Variants in WDR59 observed in about 807,000 individuals in gnomAD.
The protein encoded by WDR59 is WD repeat domain 59.
Under a neutral mutation model 131.2 loss-of-function variants are expected in WDR59, and 100 were observed. That is an observed-to-expected ratio of 0.76 (90% CI 0.65 to 0.90). WDR59 has a LOEUF of 0.90. Among genes scored for constraint, WDR59 ranks in the 40% least tolerant of loss-of-function variants. The pLI is 0.00. For synonymous variants in WDR59, 601 were observed against 466.2 expected, an observed-to-expected ratio of 1.29 and a Z score of -3.72; for missense variants, 1,203 against 1,262.2, an observed-to-expected ratio of 0.95 and a Z score of 0.71.
chr16:74,875,253 A>C (rs771381460), intron 25 of WDR59, among the ~76,000 whole-genome samples: 1 of 152,182 alleles, frequency 6.6e-6, no homozygotes, highest in South Asian at 2.1e-4. Flanking sequence ...AACCTGCTCT[A>C]TCTACTCTGC....
chr16:74,885,629 G>A (rs1755925235), intron 25 of WDR59, 24 bp downstream of exon 25: 1 of 1,612,390 alleles, frequency 6.2e-7, no homozygotes, highest in South Asian at 1.1e-5. Flanking sequence ...ACAGTGAAAG[G>A]AAGAGAGAGA....
intron 11 of WDR59, 79 bp downstream of exon 11, chr16:74,917,850 T>G: frequency 1.9e-6 from 2 of 1,037,004 alleles, no homozygotes; most frequent in Non-Finnish European, 2.9e-6. Flanking sequence ...TCCTGTAACC[T>G]CTAATTTCCG....
intron 25 of WDR59, among the ~76,000 whole-genome samples, chr16:74,877,443 G>A (rs1039443454): frequency 1.3e-5 from 2 of 152,116 alleles, no homozygotes; most frequent in Non-Finnish European, 2.9e-5. Context: ...AATTTTTGGT[G>A]TTTTTTGTCA....
chr16:74,974,920 C>G (rs2034126062), intron 1 of WDR59, among the ~76,000 whole-genome samples: 1 of 152,176 alleles, frequency 6.6e-6, no homozygotes, highest in Non-Finnish European at 1.5e-5. Context: ...TGCCATTTGC[C>G]TTTTCCCTTT....
chr16:74,875,438 T>C (rs534241221), intron 25 of WDR59, among the ~76,000 whole-genome samples: 1 of 152,120 alleles, frequency 6.6e-6, no homozygotes, highest in South Asian at 2.1e-4. Flanking sequence ...CACCAGCCTT[T>C]CCCCCTTTTC....
chr16:74,949,330 CAAAAAAA>C (rs550013099), intron 5 of WDR59, among the ~76,000 whole-genome samples: 62 of 42,618 alleles, frequency 1.5e-3, no homozygotes, highest in Non-Finnish European at 2.7e-3. Flanking sequence ...TACCTTGTCT[CAAAAAAA>C]AAAAAAAAAA....
chr16:74,937,562 A>G (rs1820596332), intron 8 of WDR59, among the ~76,000 whole-genome samples: 1 of 151,986 alleles, frequency 6.6e-6, no homozygotes, highest in Non-Finnish European at 1.5e-5. Flanking sequence ...AGTGCAGTGG[A>G]TCAATCTCAG....
At chr16:74,897,921 T>A (rs1484640647) in intron 18 of WDR59, among the ~76,000 whole-genome samples, 2 of 152,196 alleles carry the variant, frequency 1.3e-5, no homozygotes, top group East Asian at 3.8e-4. Flanking sequence ...GGGATTCTAA[T>A]TTAACGAGGC....
Position 74,915,997 on chromosome 16 carries a change from A to G in WDR59, c.1100-3T>C, listed in dbSNP as rs1966351316. 6.2e-7 allele frequency: 1 copy of G among 1,614,108 alleles called. No homozygotes were observed. Among genetic ancestry groups the G allele is most frequent in the African/African-American group, 1.3e-5 (1 of 74,954 alleles). On this transcript the variant is annotated splice_region_variant and splice_polypyrimidine_tract_variant and intron_variant, in intron 12 of 25. Transcript: ENST00000262144. The stretch of plus-strand genomic sequence containing the variant: ...TCTAGGGGGATCTTCTTTTAGGGCT[A>G]GCAGGAGAGAGAAGTTCAATGTTGG...
chr16:74,892,940 G>A (rs1249312234), intron 19 of WDR59, among the ~76,000 whole-genome samples: 1 of 152,216 alleles, frequency 6.6e-6, no homozygotes, highest in African/African-American at 2.4e-5. Context: ...AGAGTAGTGT[G>A]CTGTGTGTAG....
rs1378012060 is a variant in WDR59, at chr16:74,915,689, G to A, written c.1224+181C>T. The stretch of plus-strand genomic sequence containing the variant: ...TCTGTCCACCTCAGACTCCCAAAGT[G>A]CTGGGATTACAGGCGTGAGCCACCG... On this transcript the variant is annotated intron_variant, in intron 13 of 25. Coordinates refer to ENST00000262144, the MANE Select transcript of WDR59 (RefSeq NM_030581.4). 4.0e-6 allele frequency: 3 copies of A among 752,900 alleles called. No homozygotes were observed. In the South Asian group the frequency reaches 5.4e-5, roughly 14 times the overall value. The allele number at this position is 752,900 out of a possible 1,614,324, so 46.6% of individuals were successfully genotyped here.
At chr16:74,952,467 GA>G in intron 3 of WDR59, among the ~76,000 whole-genome samples, 1 of 120,020 alleles carries the variant, frequency 8.3e-6, no homozygotes, top group South Asian at 2.6e-4. Flanking sequence ...AAAAAAAAAA[GA>G]AAAGAAAAGA....
intron 18 of WDR59, among the ~76,000 whole-genome samples, chr16:74,897,453 C>A (rs1455519585): frequency 6.6e-6 from 1 of 152,212 alleles, no homozygotes; most frequent in Non-Finnish European, 1.5e-5. Flanking sequence ...CGTGACCCAT[C>A]CATACTTGAT....
intron 22 of WDR59, 56 bp downstream of exon 22, chr16:74,888,113 G>A (rs1456851306): frequency 1.0e-4 from 136 of 1,360,364 alleles, no homozygotes; most frequent in Admixed American, 2.2e-4. Context: ...GTAAAACTCC[G>A]TCTCAAAAAA....
At chr16:74,882,483 A>G (rs1255000594) in intron 25 of WDR59, among the ~76,000 whole-genome samples, 3 of 152,314 alleles carry the variant, frequency 2.0e-5, no homozygotes, top group African/African-American at 7.2e-5. Flanking sequence ...CTGTAATCCC[A>G]GCACTCTGGG....
At chr16:74,973,172 T>C (rs927325101) in intron 1 of WDR59, among the ~76,000 whole-genome samples, 5 of 151,832 alleles carry the variant, frequency 3.3e-5, no homozygotes, top group African/African-American at 1.2e-4. Flanking sequence ...ACCCGGGAGG[T>C]AGAGGTTGCA....
chr16:74,951,650 A>G, intron 3 of WDR59, 107 bp from the exon 4 acceptor site: 1 of 920,780 alleles, frequency 1.1e-6, no homozygotes, highest in South Asian at 1.4e-5. Flanking sequence ...ATGCATGGCA[A>G]AGATCCTTCA....
chr16:74,879,939 A>G (rs1964398147), intron 25 of WDR59, among the ~76,000 whole-genome samples: 1 of 152,204 alleles, frequency 6.6e-6, no homozygotes, highest in Admixed American at 6.5e-5. Context: ...TAATCCCAGC[A>G]CTTTGGGAGG....
At chr16:74,911,936 G>A (rs1966115109) in intron 14 of WDR59, 1 of 546,210 alleles carries the variant, frequency 1.8e-6, no homozygotes, top group Admixed American at 3.3e-5. Flanking sequence ...TGCAATCATT[G>A]TGCAGATTTT....
Sources: allele counts gnomAD v4.1 joint callset (sites outside exome capture counted in the v4.1 genomes callset), GRCh38; gene constraint gnomAD v4.1.1; transcripts MANE v1.5; gene names NCBI Gene and HGNC (gene_info 2026-07-23, HGNC 2026-07-21).